Variants in ADGRB3 observed in about 807,000 individuals in gnomAD.
ADGRB3 encodes brain-specific angiogenesis inhibitor 3.
A neutral mutation model predicts 193.4 loss-of-function variants in ADGRB3; 37 were observed. The ratio of observed to expected loss-of-function variants is 0.19; its 90% CI spans 0.15 to 0.25. ADGRB3 has a LOEUF of 0.25. ADGRB3 is among the 10% of genes least tolerant of loss of function. The pLI is 1.00. For missense variants in ADGRB3, 1,637 were observed against 1,852.9 expected, an observed-to-expected ratio of 0.88 and a Z score of 2.14; for synonymous variants, 690 against 644.2, an observed-to-expected ratio of 1.07 and a Z score of -1.08.
At chr6:69,287,788 A>C (rs1582606401) in intron 20 of ADGRB3, among the ~76,000 whole-genome samples, 1 of 152,302 alleles carries the variant, frequency 6.6e-6, no homozygotes, top group East Asian at 1.9e-4. Flanking sequence ...TGTGGAAGAA[A>C]AGTGACTTAC....
intron 3 of ADGRB3, among the ~76,000 whole-genome samples, chr6:68,790,616 C>G (rs1208157827): frequency 2.0e-5 from 3 of 152,172 alleles, no homozygotes; most frequent in Non-Finnish European, 4.4e-5. Flanking sequence ...CAGGCAGCAG[C>G]ATCTGCGGTT....
At chr6:69,203,451 GT>G (rs5877199) in intron 17 of ADGRB3, among the ~76,000 whole-genome samples, 32 of 146,906 alleles carry the variant, frequency 2.2e-4, no homozygotes, top group Middle Eastern at 3.5e-3. Context: ...CATTGTTTTT[GT>G]TTTTTTTTTC....
chr6:68,640,742 G>A (rs1768066304), intron 3 of ADGRB3, among the ~76,000 whole-genome samples: 1 of 152,172 alleles, frequency 6.6e-6, no homozygotes, highest in South Asian at 2.1e-4. Flanking sequence ...GAAGTGGAGG[G>A]ATGGAGAACC....
chr6:69,344,942 C>T (rs1429694104), intron 26 of ADGRB3, among the ~76,000 whole-genome samples: 1 of 151,180 alleles, frequency 6.6e-6, no homozygotes, highest in African/African-American at 2.4e-5. Context: ...TCTCTGGGAC[C>T]ATATGAAGCA....
intron 24 of ADGRB3, 37 bp from the exon 25 acceptor site, chr6:69,338,864 TGGTGACAATTCAATA>T: frequency 1.3e-6 from 2 of 1,517,534 alleles, no homozygotes; most frequent in Non-Finnish European, 9.0e-7. Context: ...AATTTTTTTT[TGGTGACAATTCAATA>T]TTTTGTTCTT....
intron 3 of ADGRB3, among the ~76,000 whole-genome samples, chr6:68,759,031 C>A (rs937971063): frequency 6.6e-6 from 1 of 152,092 alleles, no homozygotes; most frequent in Non-Finnish European, 1.5e-5. Context: ...GCCATGAACT[C>A]TAGAGGGCTT....
intron 20 of ADGRB3, among the ~76,000 whole-genome samples, chr6:69,302,704 A>C (rs1200353685): frequency 6.6e-6 from 1 of 152,014 alleles, no homozygotes; most frequent in Admixed American, 6.6e-5. Flanking sequence ...AACCCTGTAG[A>C]GAGAACATCG....
intron 17 of ADGRB3, among the ~76,000 whole-genome samples, chr6:69,182,635 A>C (rs140818001): frequency 2.7e-3 from 412 of 152,092 alleles, no homozygotes; most frequent in Non-Finnish European, 4.6e-3. Context: ...TTATTTCTGC[A>C]TTACTTGAGG....
At chr6:68,857,500 G>A (rs910730123) in intron 3 of ADGRB3, among the ~76,000 whole-genome samples, 3 of 152,188 alleles carry the variant, frequency 2.0e-5, no homozygotes, top group African/African-American at 7.2e-5. Context: ...CTGTCCTGCT[G>A]GATTTCATAC....
chr6:68,912,274 A>T (rs1340616928), intron 3 of ADGRB3, among the ~76,000 whole-genome samples: 1 of 151,902 alleles, frequency 6.6e-6, no homozygotes, highest in Non-Finnish European at 1.5e-5. Context: ...CCTCTTCCAG[A>T]ATGAATCTAC....
At chr6:68,742,973 T>C (rs1302910236) in intron 3 of ADGRB3, among the ~76,000 whole-genome samples, 1 of 152,066 alleles carries the variant, frequency 6.6e-6, no homozygotes, top group Non-Finnish European at 1.5e-5. Flanking sequence ...TTTGGAGTTC[T>C]ATAGTACTTG....
Position 68,971,377 on chromosome 6 carries a change from G to T in ADGRB3, c.1526-3386G>T, listed in dbSNP as rs531172778. Among the ~76,000 whole-genome samples the T allele has an allele frequency of 2.0e-5, 3 of 152,244 alleles. No individual in the cohort carries two copies. In the East Asian group the frequency reaches 5.8e-4, roughly 29 times the overall value. On this transcript the variant is annotated intron_variant, in intron 8 of 31. Transcript: ENST00000370598. ...CTAAAATCCTGTCTACTCAATGCCTGCAGACCACCCTGCAGAATCTGTGTG... is the reference window on the plus strand; with the variant it reads ...CTAAAATCCTGTCTACTCAATGCCTTCAGACCACCCTGCAGAATCTGTGTG...
At chr6:68,687,826 A>C (rs1162570244) in intron 3 of ADGRB3, among the ~76,000 whole-genome samples, 1 of 152,220 alleles carries the variant, frequency 6.6e-6, no homozygotes, top group Non-Finnish European at 1.5e-5. Context: ...AATGTACTTT[A>C]ATATACTTTG....
intron 20 of ADGRB3, among the ~76,000 whole-genome samples, chr6:69,290,269 T>C (rs2127292266): frequency 6.6e-6 from 1 of 152,208 alleles, no homozygotes; most frequent in African/African-American, 2.4e-5. Context: ...GATCTGTGCT[T>C]TGTAGCTAAG....
At chr6:68,751,340 G>A (rs1256720002) in intron 3 of ADGRB3, among the ~76,000 whole-genome samples, 1 of 151,954 alleles carries the variant, frequency 6.6e-6, no homozygotes, top group Non-Finnish European at 1.5e-5. Flanking sequence ...CAGAATTTAT[G>A]CCCACCTACC....
intron 20 of ADGRB3, among the ~76,000 whole-genome samples, chr6:69,269,459 T>C (rs1339251442): frequency 2.6e-5 from 4 of 152,222 alleles, no homozygotes; most frequent in African/African-American, 9.6e-5. Flanking sequence ...AAGTGGTTTG[T>C]GCTTGTAGTT....
chr6:68,834,331 C>T (rs1768008250), intron 3 of ADGRB3, among the ~76,000 whole-genome samples: 1 of 151,818 alleles, frequency 6.6e-6, no homozygotes, highest in Non-Finnish European at 1.5e-5. Flanking sequence ...GCTAATAACC[C>T]TGTAAGAATA....
chr6:68,866,336 C>A (rs1055697676), intron 3 of ADGRB3, among the ~76,000 whole-genome samples: 1 of 152,186 alleles, frequency 6.6e-6, no homozygotes, highest in Non-Finnish European at 1.5e-5. Flanking sequence ...CTTTCTTTCT[C>A]CTGCTGCCAT....
intron 29 of ADGRB3, among the ~76,000 whole-genome samples, chr6:69,363,748 G>A (rs193120544): frequency 5.1e-4 from 78 of 152,088 alleles, no homozygotes; most frequent in African/African-American, 1.9e-3. Flanking sequence ...AACACATTTT[G>A]GAAATGGGGC....
Sources: gnomAD v4.1 joint callset for allele counts (sites outside exome capture counted in the v4.1 genomes callset) on GRCh38, gnomAD v4.1.1 for gene constraint, MANE v1.5 for transcripts, NCBI Gene and HGNC (gene_info 2026-07-23, HGNC 2026-07-21) for gene names.